EEIG2: variants seen among roughly 807,000 people sequenced by gnomAD.
EEIG2 encodes the protein family with sequence similarity 102 member B.
At chr1:108,606,448 T>G in the EEIG2 span, among the ~76,000 whole-genome samples, 2 of 152,220 alleles carry the variant, frequency 1.3e-5, no homozygotes, top group Non-Finnish European at 2.9e-5. Context: ...TATGGAATAT[T>G]ATTCTTTAGA....
the EEIG2 span, among the ~76,000 whole-genome samples, chr1:108,585,037 TAAAC>T: frequency 3.9e-5 from 6 of 152,256 alleles, no homozygotes; most frequent in Admixed American, 2.6e-4. Flanking sequence ...AATAGAAAAG[TAAAC>T]AAAATCATCA....
the EEIG2 span, among the ~76,000 whole-genome samples, chr1:108,578,621 G>A: frequency 6.6e-6 from 1 of 151,686 alleles, no homozygotes; most frequent in Non-Finnish European, 1.5e-5. Flanking sequence ...TGCGTATATT[G>A]ACCCAGCCTT....
the EEIG2 span, among the ~76,000 whole-genome samples, chr1:108,600,411 T>C: frequency 1.5e-3 from 227 of 152,300 alleles, no homozygotes; most frequent in Non-Finnish European, 1.8e-3. Flanking sequence ...CAGATCACAT[T>C]GTTAGGAATT....
At chr1:108,567,238 T>G in the EEIG2 span, among the ~76,000 whole-genome samples, 1 of 152,224 alleles carries the variant, frequency 6.6e-6, no homozygotes, top group African/African-American at 2.4e-5. Context: ...ATAATACCTG[T>G]AATAATAGTA....
the EEIG2 span, chr1:108,612,134 G>C: frequency 7.5e-7 from 1 of 1,327,114 alleles, no homozygotes; most frequent in Non-Finnish European, 1.1e-6. Context: ...TATGATAGAA[G>C]CCTACTAGAT....
At chr1:108,588,593 C>T in the EEIG2 span, among the ~76,000 whole-genome samples, 1 of 152,058 alleles carries the variant, frequency 6.6e-6, no homozygotes, top group African/African-American at 2.4e-5. Flanking sequence ...GTGGGATAAA[C>T]TAGTTAATGT....
At chr1:108,572,014 C>T in the EEIG2 span, among the ~76,000 whole-genome samples, 2 of 152,190 alleles carry the variant, frequency 1.3e-5, no homozygotes, top group African/African-American at 4.8e-5. Flanking sequence ...AAGCATTCCT[C>T]CTCTGCCCTC....
the EEIG2 span, among the ~76,000 whole-genome samples, chr1:108,572,065 CTG>C: frequency 6.6e-6 from 1 of 152,204 alleles, no homozygotes; most frequent in African/African-American, 2.4e-5. Flanking sequence ...TCAACTAAAA[CTG>C]TTTTTGCTAA....
the EEIG2 span, chr1:108,600,738 G>A: frequency 1.8e-4 from 271 of 1,545,078 alleles, 2 homozygotes; most frequent in South Asian, 2.0e-3. Flanking sequence ...AATTAGTTCC[G>A]TAGTCACTGG....
chr1:108,581,203 G>A, the EEIG2 span, among the ~76,000 whole-genome samples: 1 of 150,072 alleles, frequency 6.7e-6, no homozygotes, highest in Non-Finnish European at 1.5e-5. Flanking sequence ...CCACTGTTGA[G>A]ACCTACTGCT....
chr1:108,613,651 C>T, the EEIG2 span, among the ~76,000 whole-genome samples: 7 of 151,970 alleles, frequency 4.6e-5, no homozygotes, highest in African/African-American at 1.7e-4. Flanking sequence ...TCATAACACT[C>T]TCTCCTTTCC....
the EEIG2 span, among the ~76,000 whole-genome samples, chr1:108,571,401 A>G: frequency 6.6e-6 from 1 of 152,162 alleles, no homozygotes; most frequent in South Asian, 2.1e-4. Context: ...GAAGAGACTA[A>G]GAGTATGAGG....
chr1:108,575,252 A>G, the EEIG2 span, among the ~76,000 whole-genome samples: 17 of 152,206 alleles, frequency 1.1e-4, no homozygotes, highest in African/African-American at 3.6e-4. Flanking sequence ...CTGACATTCT[A>G]TCATCCCATT....
At chr1:108,610,666 C>T in the EEIG2 span, among the ~76,000 whole-genome samples, 23 of 152,026 alleles carry the variant, frequency 1.5e-4, no homozygotes, top group Non-Finnish European at 2.8e-4. Context: ...CGCGGTGGCT[C>T]ACACCTGTAA....
the EEIG2 span, chr1:108,560,125 C>CGGG: frequency 2.2e-3 from 371 of 168,950 alleles, 1 homozygote; most frequent in African/African-American, 8.3e-3. Flanking sequence ...GCGGCGGAGG[C>CGGG]GGCGGCGGCG....
chr1:108,628,842 C>T, the EEIG2 span: 31 of 1,585,514 alleles, frequency 2.0e-5, no homozygotes, highest in Non-Finnish European at 4.3e-6. Context: ...TCCTGCAATC[C>T]AGGTTTTTGT....
chr1:108,638,056 AT>A, the EEIG2 span: 1 of 152,440 alleles, frequency 6.6e-6, no homozygotes, highest in South Asian at 2.1e-4. Flanking sequence ...CAAATTCCAG[AT>A]TTTTTTCTTT....
At chr1:108,602,311 T>C in the EEIG2 span, among the ~76,000 whole-genome samples, 1 of 152,180 alleles carries the variant, frequency 6.6e-6, no homozygotes, top group Non-Finnish European at 1.5e-5. Context: ...GAGTTATGGA[T>C]GACAGAAGTT....
At chr1:108,629,771 T>C in the EEIG2 span, 5 of 752,800 alleles carry the variant, frequency 6.6e-6, no homozygotes, top group Non-Finnish European at 1.2e-5. Context: ...GAAACACAGA[T>C]AGTAGTAGTT....
Sources: allele counts gnomAD v4.1 joint callset (sites outside exome capture counted in the v4.1 genomes callset), GRCh38; gene constraint gnomAD v4.1.1; transcripts MANE v1.5; gene names NCBI Gene and HGNC (gene_info 2026-07-23, HGNC 2026-07-21).